The following GABRG3 variants were observed in gnomAD, a reference collection of about 807,000 sequenced individuals.
GABRG3 encodes the protein gamma-aminobutyric acid type A receptor subunit gamma3, also known as gamma-aminobutyric acid receptor subunit gamma-3.
In GABRG3, 25 loss-of-function variants were observed where a neutral mutation model predicts 48.8. The ratio of observed to expected loss-of-function variants is 0.51; its 90% confidence interval spans 0.37 to 0.72. The LOEUF is 0.72. Ranked by LOEUF, GABRG3 falls within the 30% of genes least tolerant of loss-of-function variation. GABRG3 has a pLI of 0.00. For synonymous variants in GABRG3, 227 were observed against 217.6 expected (o/e 1.04, Z -0.38); for missense variants, 394 against 577.9 (o/e 0.68, Z 3.26).
intron 5 of GABRG3, among the ~76,000 whole-genome samples, chr15:27,437,191 GA>G (rs34940631): frequency 0.11 from 16,967 of 148,744 alleles, 1,356 homozygotes; most frequent in East Asian, 0.33. Context: ...TAGAGAAATT[GA>G]AAAAAAAAAT....
At chr15:27,247,126 G>A (rs932406643) in intron 3 of GABRG3, among the ~76,000 whole-genome samples, 1 of 152,140 alleles carries the variant, frequency 6.6e-6, no homozygotes, top group East Asian at 1.9e-4. Flanking sequence ...TGTATGTAGA[G>A]ATGGTATCTC....
At chr15:27,001,880 A>T (rs1595464584) in intron 2 of GABRG3, among the ~76,000 whole-genome samples, 1 of 63,734 alleles carries the variant, frequency 1.6e-5, no homozygotes. Context: ...AGAGGTTCCC[A>T]TAACTCAGTT....
chr15:27,453,367 A>G (rs1945804532), intron 5 of GABRG3, among the ~76,000 whole-genome samples: 1 of 152,202 alleles, frequency 6.6e-6, no homozygotes, highest in Non-Finnish European at 1.5e-5. Flanking sequence ...TGATTTTGCA[A>G]TGTATATCAA....
intron 3 of GABRG3, among the ~76,000 whole-genome samples, chr15:27,313,287 T>TAC (rs1327739804): frequency 9.1e-6 from 1 of 109,988 alleles, no homozygotes; most frequent in East Asian, 3.6e-4. Context: ...TATATATATA[T>TAC]ATATATATAT....
intron 3 of GABRG3, among the ~76,000 whole-genome samples, chr15:27,029,620 G>C (rs1366944886): frequency 6.6e-6 from 1 of 152,160 alleles, no homozygotes. Flanking sequence ...GTCTCTCTCT[G>C]TTCCTTCACG....
intron 6 of GABRG3, among the ~76,000 whole-genome samples, chr15:27,500,424 G>A (rs918398866): frequency 2.6e-5 from 4 of 152,132 alleles, no homozygotes; most frequent in Non-Finnish European, 5.9e-5. Flanking sequence ...CGACTCCACC[G>A]CGACTTCCCT....
At chr15:27,282,024 T>C (rs1025406670) in intron 3 of GABRG3, among the ~76,000 whole-genome samples, 4 of 152,198 alleles carry the variant, frequency 2.6e-5, no homozygotes, top group African/African-American at 9.6e-5. Context: ...GCATTTATCT[T>C]CTGTTAGCAT....
chr15:26,995,539 A>G (rs1009169160), intron 2 of GABRG3, among the ~76,000 whole-genome samples: 2 of 126,994 alleles, frequency 1.6e-5, no homozygotes, highest in African/African-American at 5.4e-5. Context: ...CTCGTTTAAT[A>G]TCTTTTTTTT....
At chr15:27,503,730 T>C (rs1433488239) in intron 6 of GABRG3, among the ~76,000 whole-genome samples, 1 of 152,244 alleles carries the variant, frequency 6.6e-6, no homozygotes, top group Non-Finnish European at 1.5e-5. Context: ...TTCTCACTTA[T>C]TTCCTGTCTG....
chr15:27,174,584 G>C (rs1461622201), intron 3 of GABRG3, among the ~76,000 whole-genome samples: 20 of 139,750 alleles, frequency 1.4e-4, no homozygotes, highest in South Asian at 6.8e-4. Context: ...TCTCTCTCTC[G>C]TCTCTCTCTC....
chr15:27,432,747 T>C (rs1040136325), intron 5 of GABRG3, among the ~76,000 whole-genome samples: 3 of 152,234 alleles, frequency 2.0e-5, no homozygotes, highest in African/African-American at 7.2e-5. Context: ...CTCCTCAATG[T>C]ATCTCTTTCC....
At chr15:27,387,947 AGAGGGAGGGAGG>A (rs1159765886) in intron 5 of GABRG3, among the ~76,000 whole-genome samples, 1 of 54,762 alleles carries the variant, frequency 1.8e-5, no homozygotes. Context: ...AAGGAGGGAA[AGAGGGAGGGAGG>A]GGAAGAAAGG....
At chr15:27,411,462 A>C (rs891341136) in intron 5 of GABRG3, among the ~76,000 whole-genome samples, 5 of 152,092 alleles carry the variant, frequency 3.3e-5, no homozygotes, top group African/African-American at 1.2e-4. Context: ...GCCAACTTAA[A>C]ATATTTAATA....
At chr15:27,463,989 G>A (rs760787894) in intron 5 of GABRG3, among the ~76,000 whole-genome samples, 3 of 152,052 alleles carry the variant, frequency 2.0e-5, no homozygotes, top group South Asian at 4.2e-4. Flanking sequence ...GTGAGAAAAC[G>A]AGCTGGTGTC....
intron 7 of GABRG3, among the ~76,000 whole-genome samples, chr15:27,521,017 T>G (rs909967047): frequency 6.6e-6 from 1 of 152,102 alleles, no homozygotes; most frequent in African/African-American, 2.4e-5. Context: ...GGTAGAATTG[T>G]AGGCAAATCA....
intron 6 of GABRG3, among the ~76,000 whole-genome samples, chr15:27,487,129 C>G (rs1890239743): frequency 6.6e-6 from 1 of 152,062 alleles, no homozygotes; most frequent in Non-Finnish European, 1.5e-5. Flanking sequence ...CTTTCAAACC[C>G]ACTGTGAGTC....
intron 6 of GABRG3, among the ~76,000 whole-genome samples, chr15:27,502,952 G>T (rs935361293): frequency 6.6e-6 from 1 of 152,168 alleles, no homozygotes; most frequent in African/African-American, 2.4e-5. Flanking sequence ...CGGCCATCTG[G>T]AAGTGCTCAG....
At chr15:27,508,474 C>G (rs1362112542) in intron 6 of GABRG3, among the ~76,000 whole-genome samples, 1 of 152,080 alleles carries the variant, frequency 6.6e-6, no homozygotes, top group African/African-American at 2.4e-5. Context: ...ATGCTATAAA[C>G]ATAAAATATA....
chr15:27,388,733 G>T (rs781106026), intron 5 of GABRG3, among the ~76,000 whole-genome samples: 4 of 152,078 alleles, frequency 2.6e-5, no homozygotes, highest in Admixed American at 1.3e-4. Context: ...AGACTCAGCG[G>T]AGAGTGCACC....
Sources: allele counts gnomAD v4.1 joint callset (sites outside exome capture counted in the v4.1 genomes callset), GRCh38; gene constraint gnomAD v4.1.1; transcripts MANE v1.5; gene names NCBI Gene and HGNC (gene_info 2026-07-23, HGNC 2026-07-21).